The following EXOC6 variants were observed in gnomAD, a reference collection of about 807,000 sequenced individuals.
The protein encoded by EXOC6 is exocyst complex component 6, also known as SEC15-like 1.
Under a neutral mutation model 112.5 loss-of-function variants are expected in EXOC6, and 60 were observed. The observed-to-expected ratio is 0.53, with a 90% CI of 0.43 to 0.66. EXOC6 has a LOEUF of 0.66. Among genes scored for constraint, EXOC6 ranks in the 30% least tolerant of loss-of-function variants. EXOC6 has a pLI of 0.00. For synonymous variants in EXOC6, 295 were observed against 308.0 expected, an observed-to-expected ratio of 0.96 and a Z score of 0.44; for missense variants, 855 against 957.1, an observed-to-expected ratio of 0.89 and a Z score of 1.41.
chr10:92,976,045 TGG>T (rs745358976), intron 18 of EXOC6, among the ~76,000 whole-genome samples: 1,736 of 105,380 alleles, frequency 0.016, 85 homozygotes, highest in African/African-American at 0.057. Flanking sequence ...GGGAGGGAGG[TGG>T]GGGGGGGGGT....
At chr10:92,916,047 G>T in intron 7 of EXOC6, 134 bp downstream of exon 7, 1 of 607,316 alleles carries the variant, frequency 1.6e-6, no homozygotes, top group Non-Finnish European at 2.6e-6. Flanking sequence ...AGTCAAAATG[G>T]AGTCAGTGTG....
chr10:93,007,375 G>T (rs1441263430), intron 19 of EXOC6, among the ~76,000 whole-genome samples: 1 of 152,192 alleles, frequency 6.6e-6, no homozygotes, highest in African/African-American at 2.4e-5. Flanking sequence ...TGCCGGCTGG[G>T]CGCAATGGCT....
At chr10:92,987,316 TA>T (rs1443172654) in intron 18 of EXOC6, among the ~76,000 whole-genome samples, 2 of 152,348 alleles carry the variant, frequency 1.3e-5, no homozygotes, top group East Asian at 3.9e-4. Flanking sequence ...TCAGTAGACA[TA>T]AGTGCTAAAG....
intron 18 of EXOC6, among the ~76,000 whole-genome samples, chr10:92,982,136 A>G (rs1206817603): frequency 1.3e-5 from 2 of 152,190 alleles, no homozygotes; most frequent in Non-Finnish European, 1.5e-5. Flanking sequence ...AAACAAAAAA[A>G]CCAGACATGA....
intron 19 of EXOC6, chr10:92,999,469 G>A (rs1843653503): frequency 1.4e-5 from 4 of 280,522 alleles, no homozygotes; most frequent in Middle Eastern, 4.6e-4. Flanking sequence ...GATCATTCCA[G>A]TATGACATTG....
rs376596814 is a variant in EXOC6 at position 92,922,880 on chromosome 10, G to A, written c.888+2830G>A. ...AATTGCTGCCCTAGGAGTTTTTAAG[G>A]GTATGTGAAGGCTTTCCAAGGGGCC... On this transcript the variant is annotated intron_variant, in intron 8 of 21. Coordinates refer to ENST00000260762, the MANE Select transcript of EXOC6 (RefSeq NM_019053.6). 8.5e-5 allele frequency among the ~76,000 whole-genome samples: 13 copies of A among 152,160 alleles called. No individual in the cohort carries two copies. In the East Asian group the frequency reaches 1.7e-3, roughly 20 times the overall value.
intron 6 of EXOC6, among the ~76,000 whole-genome samples, chr10:92,915,409 CAAAG>C (rs1424143932): frequency 2.1e-5 from 3 of 142,592 alleles, no homozygotes; most frequent in African/African-American, 5.3e-5. Flanking sequence ...AACAAAAAAA[CAAAG>C]AAACATTAGC....
At chr10:92,937,945 T>C (rs1454850896) in intron 12 of EXOC6, among the ~76,000 whole-genome samples, 3 of 152,194 alleles carry the variant, frequency 2.0e-5, no homozygotes, top group African/African-American at 2.4e-5. Flanking sequence ...GGAACTTTCC[T>C]CAGAATGTAA....
chr10:92,945,899 T>A (rs753945883), intron 13 of EXOC6, among the ~76,000 whole-genome samples: 1 of 152,148 alleles, frequency 6.6e-6, no homozygotes, highest in Non-Finnish European at 1.5e-5. Context: ...TGAAAGTAAA[T>A]ACCAAAAAAG....
chr10:93,025,001 A>G (rs1189060510), intron 20 of EXOC6, among the ~76,000 whole-genome samples: 5 of 152,224 alleles, frequency 3.3e-5, no homozygotes, highest in Non-Finnish European at 7.3e-5. Flanking sequence ...TTGTATGTGT[A>G]GATTATATGA....
At chr10:92,840,497 G>A (rs977780317) in intron 1 of EXOC6, among the ~76,000 whole-genome samples, 1 of 152,032 alleles carries the variant, frequency 6.6e-6, no homozygotes, top group African/African-American at 2.4e-5. Context: ...TTTCCATTTG[G>A]GATGGATATT....
At chr10:92,876,760 C>T (rs1848701005) in intron 1 of EXOC6, among the ~76,000 whole-genome samples, 2 of 152,102 alleles carry the variant, frequency 1.3e-5, no homozygotes, top group South Asian at 2.1e-4. Context: ...TAAGTGAGAC[C>T]AATCTCCAGT....
At chr10:92,915,941 T>A in intron 7 of EXOC6, 28 bp downstream of exon 7, 1 of 1,455,634 alleles carries the variant, frequency 6.9e-7, no homozygotes, top group South Asian at 1.4e-5. Context: ...TTCTTTTCTA[T>A]TATTAGATAA....
At chr10:92,874,385 T>C (rs1018891554) in intron 1 of EXOC6, among the ~76,000 whole-genome samples, 1 of 151,854 alleles carries the variant, frequency 6.6e-6, no homozygotes, top group Non-Finnish European at 1.5e-5. Flanking sequence ...TATTTCTGGA[T>C]TATTATGTGG....
At position 92,908,911 on chromosome 10, in the gene EXOC6, G is replaced by T. The variant is rs564832960; in HGVS notation, c.459-516G>T. On this transcript the variant is annotated intron_variant, in intron 5 of 21. Transcript: ENST00000260762. ...CAGTGTGGATTTTTACCTGTTTTTTGTGTGTGTGTGTGTGATACTTAACAG... is the reference window on the plus strand; with the variant it reads ...CAGTGTGGATTTTTACCTGTTTTTTTTGTGTGTGTGTGTGATACTTAACAG... 2.4e-3 allele frequency among the ~76,000 whole-genome samples: 358 copies of T among 151,302 alleles called. 2 individuals are homozygous for T. Among genetic ancestry groups the T allele is most frequent in the African/African-American group, 7.3e-3 (302 of 41,306 alleles).
At chr10:92,947,718 G>A (rs1853118070) in intron 13 of EXOC6, among the ~76,000 whole-genome samples, 1 of 152,114 alleles carries the variant, frequency 6.6e-6, no homozygotes, top group Non-Finnish European at 1.5e-5. Flanking sequence ...GACCATCCTG[G>A]CTAACACGGT....
chr10:92,906,481 A>G (rs1012628681), intron 5 of EXOC6, among the ~76,000 whole-genome samples: 1 of 152,210 alleles, frequency 6.6e-6, no homozygotes, highest in Non-Finnish European at 1.5e-5. Context: ...CCAGAGAATC[A>G]TTAGAGTACT....
At position 92,944,245 on chromosome 10, in the gene EXOC6, A is replaced by G. The variant is rs532806131; in HGVS notation, c.1310+3421A>G. On this transcript the variant is annotated intron_variant, in intron 13 of 21. Transcript: ENST00000260762. ...CGATCTTTTTTTTTTAATTTTTATT[A>G]TTTTTTTTGAGACAGAGTCTTTGCT... is the stretch of plus-strand genomic sequence containing the variant. 2.9e-3 allele frequency among the ~76,000 whole-genome samples: 442 copies of G among 150,536 alleles called. 2 individuals carry two copies. The highest frequency in any genetic ancestry group is 0.01 in the African/African-American group (424 of 40,922).
At chr10:92,955,432 G>A in intron 16 of EXOC6, 148 bp from the exon 17 acceptor site, 1 of 564,062 alleles carries the variant, frequency 1.8e-6, no homozygotes, top group Middle Eastern at 5.0e-4. Context: ...TTTGCAACAG[G>A]CTTTTAAAAT....
Sources: allele counts gnomAD v4.1 joint callset (sites outside exome capture counted in the v4.1 genomes callset), GRCh38; gene constraint gnomAD v4.1.1; transcripts MANE v1.5; gene names NCBI Gene and HGNC (gene_info 2026-07-23, HGNC 2026-07-21).